Variants in SYT1 observed in about 807,000 individuals in gnomAD.
SYT1 encodes synaptotagmin 1, also known as synaptotagmin-1.
Under a neutral mutation model 44.8 loss-of-function variants are expected in SYT1, and 8 were observed. That is an observed-to-expected ratio of 0.18 (90% confidence interval 0.10 to 0.32). SYT1 has a LOEUF of 0.32. SYT1 is among the 10% of genes least tolerant of loss of function. SYT1 has a pLI of 1.00. For synonymous variants in SYT1, 154 were observed against 188.8 expected, an observed-to-expected ratio of 0.82 and a Z score of 1.51; for missense variants, 286 against 509.3, an observed-to-expected ratio of 0.56 and a Z score of 4.22.
At chr12:79,439,401 C>A (rs369369591) in intron 9 of SYT1, among the ~76,000 whole-genome samples, 1 of 152,266 alleles carries the variant, frequency 6.6e-6, no homozygotes, top group East Asian at 1.9e-4. Flanking sequence ...TTATCTCATA[C>A]ATGATGACAT....
At chr12:79,296,305 A>G in intron 7 of SYT1, 69 bp downstream of exon 7, 2 of 1,441,220 alleles carry the variant, frequency 1.4e-6, no homozygotes, top group Non-Finnish European at 1.9e-6. Context: ...TCATCCTGAC[A>G]CATACATAGA....
At chr12:79,441,026 C>G (rs983246033) in intron 9 of SYT1, among the ~76,000 whole-genome samples, 3 of 152,154 alleles carry the variant, frequency 2.0e-5, no homozygotes, top group Admixed American at 2.0e-4. Context: ...AATGGAGACT[C>G]AATCTAAGAC....
At chr12:79,257,264 G>T (rs978328807) in intron 4 of SYT1, among the ~76,000 whole-genome samples, 2 of 152,144 alleles carry the variant, frequency 1.3e-5, no homozygotes, top group Non-Finnish European at 2.9e-5. Flanking sequence ...CCATAAATCA[G>T]CATGTTTGAT....
intron 3 of SYT1, among the ~76,000 whole-genome samples, chr12:79,180,918 A>G (rs1042058651): frequency 1.1e-4 from 17 of 151,998 alleles, no homozygotes; most frequent in Admixed American, 1.0e-3. Context: ...TCATGGGGGC[A>G]GTTACCTCCA....
intron 3 of SYT1, among the ~76,000 whole-genome samples, chr12:79,181,694 A>G (rs539555375): frequency 6.6e-6 from 1 of 152,152 alleles, no homozygotes; most frequent in African/African-American, 2.4e-5. Context: ...TGAGACACCA[A>G]TGGGCTTTCA....
chr12:79,013,849 C>T (rs772327781), intron 2 of SYT1, among the ~76,000 whole-genome samples: 11 of 151,966 alleles, frequency 7.2e-5, no homozygotes, highest in African/African-American at 1.5e-4. Flanking sequence ...GCCTTCAGGC[C>T]GGACGCCGTG....
chr12:79,390,588 G>A (rs554086242), intron 9 of SYT1, among the ~76,000 whole-genome samples: 2 of 151,812 alleles, frequency 1.3e-5, no homozygotes, highest in South Asian at 2.1e-4. Context: ...TTGTTTCAGC[G>A]TTACCCACTG....
chr12:79,273,429 C>A (rs1257157324), intron 4 of SYT1, among the ~76,000 whole-genome samples: 1 of 151,972 alleles, frequency 6.6e-6, no homozygotes, highest in Non-Finnish European at 1.5e-5. Context: ...GAACTTTTAT[C>A]CAAGAAGGAA....
chr12:79,265,941 C>A (rs1468864336), intron 4 of SYT1, among the ~76,000 whole-genome samples: 1 of 152,138 alleles, frequency 6.6e-6, no homozygotes, highest in East Asian at 1.9e-4. Context: ...TTGAGTCTTT[C>A]TGTCATTTCC....
chr12:78,951,044 TG>T (rs2137294651), intron 1 of SYT1, among the ~76,000 whole-genome samples: 1 of 152,268 alleles, frequency 6.6e-6, no homozygotes, highest in Non-Finnish European at 1.5e-5. Flanking sequence ...CTAATTGGTT[TG>T]GTTGGAAAAT....
intron 2 of SYT1, among the ~76,000 whole-genome samples, chr12:79,013,760 A>T (rs540550373): frequency 3.9e-5 from 6 of 152,320 alleles, no homozygotes; most frequent in African/African-American, 1.4e-4. Context: ...AAGAGAAAAC[A>T]TTAGAAGGGT....
chr12:79,088,222 G>T (rs1465429256), intron 3 of SYT1, among the ~76,000 whole-genome samples: 4 of 151,906 alleles, frequency 2.6e-5, no homozygotes, highest in Non-Finnish European at 5.9e-5. Flanking sequence ...TTAGTAACTG[G>T]CTAGTTACTA....
chr12:79,047,129 T>G (rs1874128418), intron 2 of SYT1, among the ~76,000 whole-genome samples, 168 bp from the exon 3 acceptor site: 4 of 151,722 alleles, frequency 2.6e-5, no homozygotes. Context: ...ATCCAAACTA[T>G]CTGTATTATA....
At chr12:79,198,071 C>A (rs1873566102) in intron 3 of SYT1, among the ~76,000 whole-genome samples, 1 of 151,954 alleles carries the variant, frequency 6.6e-6, no homozygotes, top group South Asian at 2.1e-4. Context: ...GTTTTTCTAA[C>A]CTTTCAATAA....
chr12:79,304,860 A>G (rs1880316260), intron 8 of SYT1, among the ~76,000 whole-genome samples: 1 of 152,038 alleles, frequency 6.6e-6, no homozygotes, highest in African/African-American at 2.4e-5. Context: ...ATATTAGTGT[A>G]CCTAGTATCT....
At chr12:79,171,812 T>G (rs970223959) in intron 3 of SYT1, among the ~76,000 whole-genome samples, 5 of 152,000 alleles carry the variant, frequency 3.3e-5, no homozygotes, top group Non-Finnish European at 5.9e-5. Flanking sequence ...TCCTCAGCTC[T>G]CCTATTATTA....
chr12:78,959,833 G>A (rs1050628573), intron 1 of SYT1, among the ~76,000 whole-genome samples: 2 of 152,148 alleles, frequency 1.3e-5, no homozygotes, highest in African/African-American at 2.4e-5. Flanking sequence ...CTTTGGAGCT[G>A]TAAGTGCATT....
At chr12:79,018,662 G>C (rs1871973546) in intron 2 of SYT1, among the ~76,000 whole-genome samples, 1 of 152,026 alleles carries the variant, frequency 6.6e-6, no homozygotes, top group Non-Finnish European at 1.5e-5. Context: ...TGCCACTTGA[G>C]GGTGGAGACT....
intron 2 of SYT1, among the ~76,000 whole-genome samples, chr12:79,038,043 TCTCACAA>T (rs1873255041): frequency 1.3e-5 from 2 of 151,616 alleles, no homozygotes; most frequent in Admixed American, 1.3e-4. Context: ...AATTTTAAGT[TCTCACAA>T]AAAGCTGCAG....
Sources: allele counts gnomAD v4.1 joint callset (sites outside exome capture counted in the v4.1 genomes callset), GRCh38; gene constraint gnomAD v4.1.1; transcripts MANE v1.5; gene names NCBI Gene and HGNC (gene_info 2026-07-23, HGNC 2026-07-21).